The following CPA6 variants were observed in gnomAD, a reference collection of about 807,000 sequenced individuals.
CPA6 encodes the protein carboxypeptidase B.
In CPA6, 58 loss-of-function variants were observed where a neutral mutation model predicts 63.3. That is an observed-to-expected ratio of 0.92 (90% CI 0.74 to 1.14). The LOEUF is 1.14. CPA6 is among the 50% of genes most tolerant of loss of function. The probability of loss-of-function intolerance (pLI) is 0.00; values close to 1 mark genes in which losing one functional copy is unlikely to be tolerated. For missense variants in CPA6, 565 were observed against 526.6 expected, an observed-to-expected ratio of 1.07 and a Z score of -0.71; for synonymous variants, 185 against 179.0, an observed-to-expected ratio of 1.03 and a Z score of -0.27.
At chr8:67,631,032 TC>T (rs1815315354) in intron 1 of CPA6, among the ~76,000 whole-genome samples, 1 of 152,118 alleles carries the variant, frequency 6.6e-6, no homozygotes, top group Admixed American at 6.5e-5. Flanking sequence ...GGCCCAAGCC[TC>T]CCCAACATGC....
At chr8:67,680,286 G>A (rs1816564286) in intron 1 of CPA6, among the ~76,000 whole-genome samples, 1 of 152,104 alleles carries the variant, frequency 6.6e-6, no homozygotes, top group South Asian at 2.1e-4. Context: ...TGGATTGCTT[G>A]AGCCCAGGAG....
intron 2 of CPA6, among the ~76,000 whole-genome samples, chr8:67,610,304 T>G (rs1814771621): frequency 6.6e-6 from 1 of 151,952 alleles, no homozygotes; most frequent in Admixed American, 6.6e-5. Context: ...AGTCAGAGGC[T>G]GCAATGAACT....
At chr8:67,656,555 G>A (rs886839221) in intron 1 of CPA6, among the ~76,000 whole-genome samples, 10 of 152,156 alleles carry the variant, frequency 6.6e-5, no homozygotes, top group African/African-American at 2.4e-4. Flanking sequence ...CTGACCTTAT[G>A]ACCATGTTGA....
chr8:67,683,960 G>A (rs1816651456), intron 1 of CPA6, among the ~76,000 whole-genome samples: 1 of 147,222 alleles, frequency 6.8e-6, no homozygotes, highest in African/African-American at 2.5e-5. Context: ...GAGAAGCTGG[G>A]ACTAGAGGCA....
intron 1 of CPA6, among the ~76,000 whole-genome samples, chr8:67,643,717 T>C (rs1427554289): frequency 6.6e-6 from 1 of 152,194 alleles, no homozygotes; most frequent in Non-Finnish European, 1.5e-5. Flanking sequence ...GTGTTTGTTG[T>C]ATAATTATTT....
chr8:67,609,392 C>T (rs1814745127), intron 2 of CPA6, among the ~76,000 whole-genome samples: 1 of 152,098 alleles, frequency 6.6e-6, no homozygotes, highest in Non-Finnish European at 1.5e-5. Flanking sequence ...TTCTTATATT[C>T]CTGACCTGAA....
At chr8:67,515,185 T>A (rs931007143) in intron 3 of CPA6, among the ~76,000 whole-genome samples, 1 of 152,174 alleles carries the variant, frequency 6.6e-6, no homozygotes, top group African/African-American at 2.4e-5. Flanking sequence ...GTTGGAGTGG[T>A]CACTTACACG....
intron 1 of CPA6, among the ~76,000 whole-genome samples, chr8:67,700,351 C>T (rs1046542446): frequency 6.6e-6 from 1 of 152,188 alleles, no homozygotes; most frequent in African/African-American, 2.4e-5. Flanking sequence ...TAACTGACCC[C>T]AAACTGTATT....
chr8:67,584,073 G>A (rs542396665), intron 2 of CPA6, among the ~76,000 whole-genome samples: 3 of 152,274 alleles, frequency 2.0e-5, no homozygotes, highest in South Asian at 2.1e-4. Flanking sequence ...CAGGAGAATC[G>A]CTTGAACCAG....
intron 8 of CPA6, among the ~76,000 whole-genome samples, chr8:67,468,026 C>A (rs1324089868): frequency 6.6e-6 from 1 of 151,342 alleles, no homozygotes; most frequent in Non-Finnish European, 1.5e-5. Flanking sequence ...CCACTGCACT[C>A]CAGCCTGGGC....
chr8:67,571,838 T>G (rs1813493819), intron 2 of CPA6, among the ~76,000 whole-genome samples: 1 of 151,442 alleles, frequency 6.6e-6, no homozygotes, highest in Non-Finnish European at 1.5e-5. Context: ...AGAGTAAAGA[T>G]CAGGACAAAT....
chr8:67,491,227 T>TG (rs1811598510), intron 6 of CPA6, among the ~76,000 whole-genome samples: 1 of 150,774 alleles, frequency 6.6e-6, no homozygotes, highest in Admixed American at 6.6e-5. Flanking sequence ...AGGGAAGTTT[T>TG]TTTTTTTTTT....
At chr8:67,630,110 A>AAATAATAATAAT (rs61666997) in intron 1 of CPA6, among the ~76,000 whole-genome samples, 1,704 of 144,848 alleles carry the variant, frequency 0.012, 25 homozygotes, top group African/African-American at 0.029. Context: ...GTCTCAATTA[A>AAATAATAATAAT]AATAATAATA....
intron 1 of CPA6, among the ~76,000 whole-genome samples, chr8:67,740,746 T>C (rs1389315578): frequency 6.6e-6 from 1 of 152,068 alleles, no homozygotes; most frequent in Non-Finnish European, 1.5e-5. Flanking sequence ...ATTTTTGTAT[T>C]TTTAGTAGAA....
intron 1 of CPA6, among the ~76,000 whole-genome samples, chr8:67,705,294 C>T (rs1044388123): frequency 8.5e-5 from 13 of 152,320 alleles, no homozygotes; most frequent in East Asian, 3.9e-4. Flanking sequence ...AGGAGCTCTA[C>T]GCTCTGGCCA....
intron 6 of CPA6, among the ~76,000 whole-genome samples, chr8:67,502,559 T>C (rs927981940): frequency 2.0e-5 from 3 of 152,236 alleles, no homozygotes; most frequent in African/African-American, 4.8e-5. Context: ...TTCTAGGTCA[T>C]TGAAGGAAGA....
intron 2 of CPA6, among the ~76,000 whole-genome samples, chr8:67,567,905 G>A (rs1413455737): frequency 6.6e-6 from 1 of 152,192 alleles, no homozygotes; most frequent in Admixed American, 6.5e-5. Flanking sequence ...ATAGGGGAAA[G>A]AGTGCAGTTA....
intron 2 of CPA6, among the ~76,000 whole-genome samples, chr8:67,520,743 G>T (rs920927669): frequency 2.0e-5 from 3 of 152,190 alleles, no homozygotes; most frequent in East Asian, 1.9e-4. Context: ...CTTTCCCAAG[G>T]TTGCACAGGT....
intron 8 of CPA6, among the ~76,000 whole-genome samples, chr8:67,477,396 T>C (rs1811266712): frequency 6.6e-6 from 1 of 152,086 alleles, no homozygotes; most frequent in Non-Finnish European, 1.5e-5. Context: ...TGTTAGATAT[T>C]AGGTAATTTA....
Sources: gnomAD v4.1 joint callset for allele counts (sites outside exome capture counted in the v4.1 genomes callset) on GRCh38, gnomAD v4.1.1 for gene constraint, MANE v1.5 for transcripts, NCBI Gene and HGNC (gene_info 2026-07-23, HGNC 2026-07-21) for gene names.